PINX1: variants seen among roughly 807,000 people sequenced by gnomAD.
PINX1 encodes PIN2/TERF1-interacting telomerase inhibitor 1.
PINX1 carries 34 observed loss-of-function variants against 25.4 expected under a neutral mutation model. The observed-to-expected ratio is 1.34, with a 90% CI of 1.02 to 1.78. PINX1 has a LOEUF of 1.78. Ranked by LOEUF, PINX1 falls within the 40% of genes most tolerant of loss-of-function variation. The probability of loss-of-function intolerance (pLI) is 0.00; values close to 1 mark genes in which losing one functional copy is unlikely to be tolerated. For synonymous variants in PINX1, 197 were observed against 147.7 expected (o/e 1.33, Z -2.42); for missense variants, 592 against 404.9 (o/e 1.46, Z -3.97).
chr8:10,831,034 T>G (rs1230174287), intron 4 of PINX1, among the ~76,000 whole-genome samples: 2 of 152,186 alleles, frequency 1.3e-5, no homozygotes, highest in Non-Finnish European at 2.9e-5. Flanking sequence ...AGCCAAGATA[T>G]GGAATCAACC....
intron 4 of PINX1, among the ~76,000 whole-genome samples, chr8:10,827,062 C>G (rs377297798): frequency 1.1e-4 from 17 of 152,316 alleles, no homozygotes; most frequent in East Asian, 3.9e-4. Context: ...ATGTCAACTT[C>G]CCGGTTGCGA....
intron 6 of PINX1, among the ~76,000 whole-genome samples, chr8:10,795,468 T>G (rs12056936): frequency 0.24 from 36,681 of 152,178 alleles, 4,516 homozygotes; most frequent in East Asian, 0.33. Flanking sequence ...TGGCGCGATC[T>G]CGGCTCAGTG....
intron 6 of PINX1, among the ~76,000 whole-genome samples, chr8:10,779,883 T>C (rs970887807): frequency 3.3e-5 from 5 of 152,202 alleles, no homozygotes; most frequent in African/African-American, 1.2e-4. Context: ...AAATATCACT[T>C]ACCACAAAGA....
chr8:10,795,612 G>A (rs1416007253), intron 6 of PINX1, among the ~76,000 whole-genome samples: 1 of 152,134 alleles, frequency 6.6e-6, no homozygotes, highest in African/African-American at 2.4e-5. Flanking sequence ...TGTTGGCCAG[G>A]CTGGTCTCGA....
At chr8:10,836,360 C>G (rs574020683) in intron 1 of PINX1, among the ~76,000 whole-genome samples, 2 of 152,214 alleles carry the variant, frequency 1.3e-5, no homozygotes, top group African/African-American at 4.8e-5. Flanking sequence ...CAGCATAACA[C>G]TGCGTCTGCT....
At chr8:10,787,892 T>G (rs893410027) in intron 6 of PINX1, 20 of 452,942 alleles carry the variant, frequency 4.4e-5, no homozygotes, top group African/African-American at 3.4e-4. Context: ...ACATTATCAA[T>G]TAATCTATAA....
At chr8:10,808,839 A>G (rs377756356) in intron 6 of PINX1, among the ~76,000 whole-genome samples, 9 of 152,228 alleles carry the variant, frequency 5.9e-5, no homozygotes, top group East Asian at 1.9e-4. Context: ...CTAAACTCCT[A>G]TATTTTTCTA....
chr8:10,795,447 C>A (rs1320006498), intron 6 of PINX1, among the ~76,000 whole-genome samples: 1 of 152,238 alleles, frequency 6.6e-6, no homozygotes, highest in East Asian at 1.9e-4. Flanking sequence ...GTCGCCCAGG[C>A]TGGAGTGCGG....
chr8:10,784,253 A>G (rs970393355), intron 6 of PINX1, among the ~76,000 whole-genome samples: 1 of 152,228 alleles, frequency 6.6e-6, no homozygotes, highest in Admixed American at 6.5e-5. Flanking sequence ...TAAATGAATA[A>G]TATCACTGTT....
chr8:10,805,551 C>T (rs1031686340), intron 6 of PINX1, among the ~76,000 whole-genome samples: 11 of 135,004 alleles, frequency 8.1e-5, no homozygotes, highest in African/African-American at 3.1e-4. Flanking sequence ...AGGCAGAGCA[C>T]AGGAAGGGGC....
intron 6 of PINX1, among the ~76,000 whole-genome samples, chr8:10,794,091 G>A (rs1323511638): frequency 6.6e-6 from 1 of 152,170 alleles, no homozygotes; most frequent in Non-Finnish European, 1.5e-5. Context: ...TGCTAAGCAG[G>A]TGTCGTCACC....
At chr8:10,793,650 CG>C (rs1296239638) in intron 6 of PINX1, among the ~76,000 whole-genome samples, 1 of 151,726 alleles carries the variant, frequency 6.6e-6, no homozygotes, top group Non-Finnish European at 1.5e-5. Context: ...TCCGCTGGAA[CG>C]GGGGCATTTG....
intron 6 of PINX1, among the ~76,000 whole-genome samples, chr8:10,791,707 T>G (rs1333603722): frequency 1.3e-5 from 2 of 152,222 alleles, no homozygotes; most frequent in African/African-American, 4.8e-5. Context: ...TTGGGCGATC[T>G]GCTGGCCCCC....
chr8:10,819,782 G>A (rs183286589), intron 6 of PINX1, among the ~76,000 whole-genome samples: 1 of 152,166 alleles, frequency 6.6e-6, no homozygotes, highest in African/African-American at 2.4e-5. Flanking sequence ...GCTGGTTCTA[G>A]AGAATGAAGG....
chr8:10,813,743 C>T (rs1462392513), intron 6 of PINX1, among the ~76,000 whole-genome samples: 1 of 152,034 alleles, frequency 6.6e-6, no homozygotes, highest in East Asian at 1.9e-4. Flanking sequence ...TGCCAGGAGC[C>T]CATGCCAGAA....
chr8:10,830,377 G>A (rs1342572488), intron 4 of PINX1, among the ~76,000 whole-genome samples: 1 of 152,196 alleles, frequency 6.6e-6, no homozygotes, highest in Non-Finnish European at 1.5e-5. Flanking sequence ...TGTGTGCTGT[G>A]ATTTTACCAG....
At chr8:10,834,257 G>C (rs1475129521) in intron 2 of PINX1, 2 of 160,444 alleles carry the variant, frequency 1.2e-5, no homozygotes, top group Non-Finnish European at 2.7e-5. Flanking sequence ...GGAGAGAGTA[G>C]TCAATTACAT....
At chr8:10,796,496 G>C in intron 6 of PINX1, among the ~76,000 whole-genome samples, 1 of 152,128 alleles carries the variant, frequency 6.6e-6, no homozygotes, top group East Asian at 1.9e-4. Flanking sequence ...CTCTCTATGA[G>C]AGGAGGACTG....
intron 6 of PINX1, among the ~76,000 whole-genome samples, chr8:10,810,431 A>G (rs921832698): frequency 2.6e-5 from 4 of 152,088 alleles, no homozygotes; most frequent in Non-Finnish European, 5.9e-5. Context: ...TCAACTTCCA[A>G]TTCTTCTGTG....
Sources: allele counts gnomAD v4.1 joint callset (sites outside exome capture counted in the v4.1 genomes callset), GRCh38; gene constraint gnomAD v4.1.1; transcripts MANE v1.5; gene names NCBI Gene and HGNC (gene_info 2026-07-23, HGNC 2026-07-21).